The following ADK variants were observed in gnomAD, a reference collection of about 807,000 sequenced individuals.
ADK encodes the protein adenosine kinase.
A neutral mutation model predicts 44.7 loss-of-function variants in ADK; 24 were observed. The ratio of observed to expected loss-of-function variants is 0.54; its 90% CI spans 0.39 to 0.76. The LOEUF is 0.76. ADK is among the 30% of genes least tolerant of loss of function. ADK has a pLI of 0.00. For missense variants in ADK, 321 were observed against 425.1 expected (o/e 0.76, Z 2.15); for synonymous variants, 128 against 142.6 (o/e 0.90, Z 0.73).
At chr10:74,545,307 G>A (rs1367392242) in intron 7 of ADK, among the ~76,000 whole-genome samples, 5 of 152,020 alleles carry the variant, frequency 3.3e-5, no homozygotes, top group Non-Finnish European at 7.4e-5. Flanking sequence ...AGGAATCTGC[G>A]GTATGTTTTC....
intron 1 of ADK, among the ~76,000 whole-genome samples, chr10:74,185,873 A>T (rs1842738790): frequency 6.9e-6 from 1 of 144,766 alleles, no homozygotes; most frequent in South Asian, 2.3e-4. Context: ...AAAGAAACAG[A>T]TCCTCCCTCT....
At chr10:74,461,527 C>T (rs766516782) in intron 6 of ADK, among the ~76,000 whole-genome samples, 11 of 152,072 alleles carry the variant, frequency 7.2e-5, no homozygotes, top group South Asian at 2.1e-4. Context: ...ATTTCCACTA[C>T]AATAGCATTA....
intron 3 of ADK, among the ~76,000 whole-genome samples, chr10:74,300,281 TCC>T (rs1273175585): frequency 4.2e-5 from 3 of 70,762 alleles, no homozygotes; most frequent in African/African-American, 1.6e-4. Context: ...CTTCCTTCCT[TCC>T]TTCCTTCCTT....
intron 9 of ADK, among the ~76,000 whole-genome samples, chr10:74,616,350 T>C (rs1690410944): frequency 6.6e-6 from 1 of 152,178 alleles, no homozygotes; most frequent in Non-Finnish European, 1.5e-5. Context: ...TCTATTCTTT[T>C]ACTTTTTTCA....
intron 6 of ADK, among the ~76,000 whole-genome samples, chr10:74,523,163 G>A (rs1420284265): frequency 6.6e-6 from 1 of 152,036 alleles, no homozygotes; most frequent in Non-Finnish European, 1.5e-5. Flanking sequence ...TTTGATGTAA[G>A]GAAAAAACAA....
chr10:74,610,702 G>A (rs1852508765), intron 9 of ADK, among the ~76,000 whole-genome samples: 1 of 152,036 alleles, frequency 6.6e-6, no homozygotes, highest in African/African-American at 2.4e-5. Flanking sequence ...GAATGAATCT[G>A]TTGAATAACA....
chr10:74,161,141 G>T (rs991136350), intron 1 of ADK, among the ~76,000 whole-genome samples: 2 of 152,182 alleles, frequency 1.3e-5, no homozygotes, highest in Non-Finnish European at 2.9e-5. Context: ...AACTCTTAGT[G>T]CCTCATAACT....
At chr10:74,199,828 C>T (rs564654886) in intron 1 of ADK, among the ~76,000 whole-genome samples, 18 of 151,972 alleles carry the variant, frequency 1.2e-4, no homozygotes, top group African/African-American at 2.7e-4. Flanking sequence ...TACAGGTGCT[C>T]GCCACTACAC....
intron 9 of ADK, chr10:74,661,231 A>G: frequency 2.7e-6 from 2 of 738,464 alleles, no homozygotes; most frequent in Non-Finnish European, 3.3e-6. Flanking sequence ...AATGTCAGTT[A>G]ACTGCTGTGT....
At chr10:74,477,422 G>A (rs979865285) in intron 6 of ADK, among the ~76,000 whole-genome samples, 8 of 152,000 alleles carry the variant, frequency 5.3e-5, no homozygotes, top group Admixed American at 2.6e-4. Flanking sequence ...TGCCCAGGCT[G>A]GTCTCAAACT....
chr10:74,478,832 G>A (rs1338906811), intron 6 of ADK, among the ~76,000 whole-genome samples: 1 of 152,098 alleles, frequency 6.6e-6, no homozygotes, highest in Non-Finnish European at 1.5e-5. Flanking sequence ...ATCCTTATAA[G>A]TACTTTGATG....
chr10:74,244,640 T>C (rs1845345710), intron 3 of ADK, among the ~76,000 whole-genome samples: 1 of 152,226 alleles, frequency 6.6e-6, no homozygotes, highest in Admixed American at 6.5e-5. Flanking sequence ...AAGATTTCTT[T>C]ATATTGTTAA....
intron 2 of ADK, among the ~76,000 whole-genome samples, chr10:74,213,400 C>T (rs573362004): frequency 6.6e-6 from 1 of 152,226 alleles, no homozygotes; most frequent in African/African-American, 2.4e-5. Context: ...CTTGCCTGGA[C>T]TCTTTAATTG....
At chr10:74,492,265 G>A (rs759156025) in intron 6 of ADK, among the ~76,000 whole-genome samples, 43 of 151,890 alleles carry the variant, frequency 2.8e-4, no homozygotes, top group Non-Finnish European at 4.6e-4. Flanking sequence ...ACCCTTCATG[G>A]CAAAAGAAAA....
chr10:74,385,686 A>G (rs1056042222), intron 4 of ADK, among the ~76,000 whole-genome samples: 13 of 152,154 alleles, frequency 8.5e-5, no homozygotes, highest in Non-Finnish European at 1.3e-4. Context: ...TGTAATAGGC[A>G]CTGCCTTGAA....
At chr10:74,207,669 G>A (rs1397643747) in intron 2 of ADK, among the ~76,000 whole-genome samples, 1 of 152,166 alleles carries the variant, frequency 6.6e-6, no homozygotes, top group African/African-American at 2.4e-5. Context: ...TTTTTAATGG[G>A]CTTCACAAGG....
chr10:74,211,463 T>A (rs1315773808), intron 2 of ADK, among the ~76,000 whole-genome samples: 2 of 152,220 alleles, frequency 1.3e-5, no homozygotes, highest in African/African-American at 2.4e-5. Context: ...CTGATTTTTT[T>A]AAAAAACGTA....
intron 4 of ADK, among the ~76,000 whole-genome samples, chr10:74,339,857 CACTTT>C (rs1169845451): frequency 1.3e-5 from 2 of 152,168 alleles, no homozygotes; most frequent in Non-Finnish European, 2.9e-5. Flanking sequence ...GAAGATAAAT[CACTTT>C]CACAGATTTT....
chr10:74,595,675 G>GAGAAATGAAAAATAT lies in ADK; in HGVS notation c.763-4704_763-4703insAGAAATGAAAAATAT, dbSNP rs1564810534. ...ACAAGCGTGAGCTACCGCGCCCATC[G>GAGAAATGAAAAATAT]CCATATCAGTTCAACAGATTAAAAA... On this transcript the variant is annotated intron_variant, in intron 8 of 10. Coordinates refer to ENST00000539909, the MANE Select transcript of ADK (RefSeq NM_006721.4). Among the ~76,000 whole-genome samples, 8 of 19,816 alleles carry GAGAAATGAAAAATAT rather than the reference G, an allele frequency of 4.0e-4. 4 individuals are homozygous for GAGAAATGAAAAATAT. Among genetic ancestry groups the GAGAAATGAAAAATAT allele is most frequent in the Admixed American group, 2.3e-3 (4 of 1,706 alleles). The allele number at this position is 19,816 out of a possible 152,430, so 13.0% of individuals were successfully genotyped here. A position where few individuals can be genotyped will look rare whatever the true frequency, so the allele number is the denominator to read the frequency against.
Sources: allele counts gnomAD v4.1 joint callset (sites outside exome capture counted in the v4.1 genomes callset), GRCh38; gene constraint gnomAD v4.1.1; transcripts MANE v1.5; gene names NCBI Gene and HGNC (gene_info 2026-07-23, HGNC 2026-07-21).